SGCD: variants seen among roughly 807,000 people sequenced by gnomAD.
The protein encoded by SGCD is sarcoglycan delta.
SGCD carries 18 observed loss-of-function variants against 36.6 expected under a neutral mutation model. The ratio of observed to expected loss-of-function variants is 0.49; its 90% CI spans 0.34 to 0.73. The LOEUF (loss-of-function observed/expected upper bound fraction) is 0.73. Ranked by LOEUF, SGCD falls within the 30% of genes least tolerant of loss-of-function variation. SGCD has a pLI of 0.01. For synonymous variants in SGCD, 133 were observed against 130.6 expected (o/e 1.02, Z -0.12); for missense variants, 387 against 346.7 (o/e 1.12, Z -0.92).
intron 6 of SGCD, among the ~76,000 whole-genome samples, chr5:156,621,560 T>A (rs1762250622): frequency 6.6e-6 from 1 of 152,180 alleles, no homozygotes; most frequent in African/African-American, 2.4e-5. Flanking sequence ...TATAAAATGC[T>A]ATGGAAACAT....
chr5:156,469,623 T>C (rs1754870065), intron 3 of SGCD, among the ~76,000 whole-genome samples: 1 of 152,244 alleles, frequency 6.6e-6, no homozygotes, highest in Non-Finnish European at 1.5e-5. Context: ...CGCATTTATC[T>C]TTTCCAGTAC....
intron 1 of SGCD, among the ~76,000 whole-genome samples, chr5:156,084,103 T>G (rs1017261957): frequency 6.6e-6 from 1 of 152,206 alleles, no homozygotes; most frequent in African/African-American, 2.4e-5. Context: ...TCAATTAAAT[T>G]TAGAATAAGC....
At chr5:156,626,916 G>GT (rs2113518904) in intron 6 of SGCD, among the ~76,000 whole-genome samples, 1 of 152,308 alleles carries the variant, frequency 6.6e-6, no homozygotes, top group East Asian at 1.9e-4. Context: ...GCTAAGCTGT[G>GT]TGTTAAGTTT....
chr5:156,329,520 T>G lies in SGCD; in HGVS notation c.-43-14T>G. 2 of 1,594,274 alleles carry G rather than the reference T, an allele frequency of 1.3e-6. No homozygotes were observed. The highest frequency in any genetic ancestry group is 8.6e-7 in the Non-Finnish European group (1 of 1,162,314). ...CTTCAGACCTTATTTTTAACCCATA[T>G]TTGTTCCTTGCAGAGACATTACTGC... is the stretch of plus-strand genomic sequence containing the variant. On this transcript the variant is annotated splice_polypyrimidine_tract_variant and intron_variant, in intron 1 of 8. Transcript: ENST00000337851.
chr5:156,735,357 CA>C (rs1756299321), intron 7 of SGCD, among the ~76,000 whole-genome samples: 1 of 152,162 alleles, frequency 6.6e-6, no homozygotes, highest in Admixed American at 6.5e-5. Context: ...ACCCAAACAG[CA>C]CAGATGGCAG....
chr5:155,851,892 T>G, the SGCD span, among the ~76,000 whole-genome samples: 1 of 152,226 alleles, frequency 6.6e-6, no homozygotes, highest in Non-Finnish European at 1.5e-5. Flanking sequence ...ACACTCATCA[T>G]CAGTATTGGA....
intron 3 of SGCD, among the ~76,000 whole-genome samples, chr5:156,170,115 G>T (rs1399879667): frequency 6.6e-6 from 1 of 152,162 alleles, no homozygotes; most frequent in Admixed American, 6.5e-5. Flanking sequence ...CTGAAGGGAG[G>T]CCCAGGCTTT....
chr5:156,724,162 C>T (rs1755652634), intron 7 of SGCD, among the ~76,000 whole-genome samples: 1 of 152,162 alleles, frequency 6.6e-6, no homozygotes, highest in Admixed American at 6.5e-5. Context: ...CCAGGCCTGT[C>T]ATGTGCACAG....
intron 3 of SGCD, among the ~76,000 whole-genome samples, chr5:156,359,882 T>C (rs1212469055): frequency 6.6e-6 from 1 of 152,248 alleles, no homozygotes; most frequent in African/African-American, 2.4e-5. Context: ...ATTGTATGAA[T>C]CACCTACTGA....
At chr5:156,444,154 C>T (rs1216415607) in intron 3 of SGCD, among the ~76,000 whole-genome samples, 1 of 142,216 alleles carries the variant, frequency 7.0e-6, no homozygotes, top group Non-Finnish European at 1.5e-5. Flanking sequence ...CTTTCTCTCT[C>T]TCCTTCCCTC....
chr5:156,283,440 A>G (rs1007341320), intron 3 of SGCD, among the ~76,000 whole-genome samples: 1 of 152,294 alleles, frequency 6.6e-6, no homozygotes, highest in South Asian at 2.1e-4. Flanking sequence ...TTATTCTGCC[A>G]TCCATTCTTT....
At chr5:156,710,571 A>C (rs1213101537) in intron 7 of SGCD, among the ~76,000 whole-genome samples, 1 of 152,186 alleles carries the variant, frequency 6.6e-6, no homozygotes, top group African/African-American at 2.4e-5. Context: ...ACATTAATAC[A>C]TGTAAGATGT....
chr5:156,455,602 C>A lies in SGCD; in HGVS notation c.193-52999C>A, dbSNP rs527911885. Among the ~76,000 whole-genome samples, 8 of 152,224 alleles carry A rather than the reference C, an allele frequency of 5.3e-5. No individual in the cohort carries two copies. The South Asian group carries it at 1.0e-3, about 20-fold the overall frequency. The stretch of plus-strand genomic sequence containing the variant: ...AGGTGATTCTCAAGCCTCTGCTGAC[C>A]ACCTGACCCTTGCCTGGAGCCTTGC... On this transcript the variant is annotated intron_variant, in intron 3 of 8. Coordinates refer to ENST00000337851, the MANE Select transcript of SGCD (RefSeq NM_000337.6).
intron 6 of SGCD, among the ~76,000 whole-genome samples, chr5:156,605,766 T>C (rs947939874): frequency 7.2e-5 from 11 of 152,232 alleles, no homozygotes; most frequent in African/African-American, 1.7e-4. Flanking sequence ...GGGTATCTCA[T>C]TGTGGTTTTG....
At chr5:156,371,986 A>G (rs1770412121) in intron 3 of SGCD, among the ~76,000 whole-genome samples, 1 of 152,188 alleles carries the variant, frequency 6.6e-6, no homozygotes, top group Non-Finnish European at 1.5e-5. Context: ...ATCAGGGTTT[A>G]TGCCATCACT....
intron 1 of SGCD, among the ~76,000 whole-genome samples, chr5:155,937,546 T>C (rs566279077): frequency 1.1e-4 from 17 of 152,266 alleles, no homozygotes; most frequent in African/African-American, 4.1e-4. Flanking sequence ...GAATGAGTGT[T>C]TTGCAGAAAG....
chr5:155,844,845 A>T, the SGCD span, among the ~76,000 whole-genome samples: 17 of 152,172 alleles, frequency 1.1e-4, no homozygotes, highest in African/African-American at 4.1e-4. Context: ...TGACTGGATG[A>T]TATTAATTAT....
chr5:156,152,363 A>G (rs1581132481), intron 3 of SGCD, among the ~76,000 whole-genome samples: 1 of 151,620 alleles, frequency 6.6e-6, no homozygotes, highest in East Asian at 1.9e-4. Context: ...CTAAATGTGC[A>G]TGATAGTCCC....
chr5:155,853,896 G>T, the SGCD span, among the ~76,000 whole-genome samples: 2 of 152,056 alleles, frequency 1.3e-5, no homozygotes, highest in Non-Finnish European at 2.9e-5. Context: ...TAATTATCTG[G>T]CTTTGTTGAT....
Sources: gnomAD v4.1 joint callset for allele counts (sites outside exome capture counted in the v4.1 genomes callset) on GRCh38, gnomAD v4.1.1 for gene constraint, MANE v1.5 for transcripts, NCBI Gene and HGNC (gene_info 2026-07-23, HGNC 2026-07-21) for gene names.